SAMD12: variants seen among roughly 807,000 people sequenced by gnomAD.
The protein encoded by SAMD12 is sterile alpha motif domain containing 12.
In SAMD12, 9 loss-of-function variants were observed where a neutral mutation model predicts 15.0. That is an observed-to-expected ratio of 0.60 (90% CI 0.36 to 1.05). The LOEUF (loss-of-function observed/expected upper bound fraction) is 1.05, where lower values mean the gene tolerates loss of function less well. SAMD12 is among the 50% of genes least tolerant of loss of function. The probability of loss-of-function intolerance (pLI) is 0.01; values close to 1 mark genes in which losing one functional copy is unlikely to be tolerated. For synonymous variants in SAMD12, 86 were observed against 90.1 expected, an observed-to-expected ratio of 0.96 and a Z score of 0.25; for missense variants, 230 against 234.2, an observed-to-expected ratio of 0.98 and a Z score of 0.12.
intron 4 of SAMD12, among the ~76,000 whole-genome samples, chr8:118,231,307 A>C (rs919256044): frequency 6.6e-6 from 1 of 152,118 alleles, no homozygotes; most frequent in African/African-American, 2.4e-5. Flanking sequence ...GGAGTGATGC[A>C]CTTCCTAGGA....
intron 4 of SAMD12, among the ~76,000 whole-genome samples, chr8:118,312,329 A>G (rs1161586464): frequency 1.3e-5 from 2 of 152,180 alleles, no homozygotes; most frequent in Non-Finnish European, 2.9e-5. Context: ...TGAATGCTTC[A>G]GAAGTTCATA....
intron 2 of SAMD12, among the ~76,000 whole-genome samples, chr8:118,519,818 C>A (rs1281584571): frequency 6.6e-6 from 1 of 152,076 alleles, no homozygotes; most frequent in Admixed American, 6.5e-5. Context: ...TTACTGGTCA[C>A]AACTAAATAA....
intron 3 of SAMD12, among the ~76,000 whole-genome samples, chr8:118,392,121 C>A (rs143082730): frequency 6.6e-6 from 1 of 152,258 alleles, no homozygotes; most frequent in African/African-American, 2.4e-5. Flanking sequence ...CTACTCACAG[C>A]GGTAAGCACA....
At chr8:118,535,182 C>T (rs535219759) in intron 2 of SAMD12, among the ~76,000 whole-genome samples, 16 of 152,126 alleles carry the variant, frequency 1.1e-4, no homozygotes, top group African/African-American at 2.2e-4. Flanking sequence ...GACCCTCAGC[C>T]GCAGGTTTGT....
intron 4 of SAMD12, chr8:118,239,776 G>A (rs567731628): frequency 1.3e-5 from 2 of 152,234 alleles, no homozygotes; most frequent in Non-Finnish European, 2.9e-5. Flanking sequence ...CAACATAAAG[G>A]GAGACAGAGA....
intron 3 of SAMD12, among the ~76,000 whole-genome samples, chr8:118,411,787 G>A (rs180984328): frequency 2.0e-5 from 3 of 152,076 alleles, no homozygotes; most frequent in East Asian, 1.9e-4. Context: ...GAAATTCTAC[G>A]GGGAGGGCTA....
chr8:118,468,095 C>A lies in SAMD12; in HGVS notation c.193-28134G>T, dbSNP rs865881184. Among the ~76,000 whole-genome samples, 7 of 152,114 alleles carry A rather than the reference C, an allele frequency of 4.6e-5. No homozygotes were observed. The South Asian group carries it at 1.0e-3, about 23-fold the overall frequency. On this transcript the variant is annotated intron_variant, in intron 2 of 3. Coordinates refer to ENST00000314727, the MANE Select transcript of SAMD12 (RefSeq NM_207506.3). ...GTAACAAGATAGTCTGTCAACAGAACAAATGTGGAAATCAGTGAACTGTAA... is the reference window on the plus strand; with the variant it reads ...GTAACAAGATAGTCTGTCAACAGAAAAAATGTGGAAATCAGTGAACTGTAA...
intron 4 of SAMD12, among the ~76,000 whole-genome samples, chr8:118,318,841 G>C (rs939772637): frequency 6.6e-6 from 1 of 152,152 alleles, no homozygotes; most frequent in African/African-American, 2.4e-5. Context: ...TTAGGAGCTT[G>C]AGGGACAAAG....
chr8:118,337,226 A>G (rs865800733), intron 4 of SAMD12, among the ~76,000 whole-genome samples: 15 of 152,282 alleles, frequency 9.9e-5, no homozygotes, highest in South Asian at 6.2e-4. Flanking sequence ...GCTCCAGATT[A>G]CGGGACAAGA....
At chr8:118,425,804 A>G (rs558450696) in intron 3 of SAMD12, among the ~76,000 whole-genome samples, 1 of 152,280 alleles carries the variant, frequency 6.6e-6, no homozygotes, top group Non-Finnish European at 1.5e-5. Flanking sequence ...TGCTCCTCGA[A>G]TTTGGTTGGA....
At chr8:118,247,465 T>G (rs1420932067) in intron 4 of SAMD12, among the ~76,000 whole-genome samples, 1 of 152,154 alleles carries the variant, frequency 6.6e-6, no homozygotes, top group Non-Finnish European at 1.5e-5. Flanking sequence ...GACAGATATG[T>G]TAATTAGTCT....
At chr8:118,207,470 C>G (rs758555775) in intron 4 of SAMD12, among the ~76,000 whole-genome samples, 2 of 152,136 alleles carry the variant, frequency 1.3e-5, no homozygotes, top group Non-Finnish European at 2.9e-5. Context: ...GAGGACAACT[C>G]TGTCCACTGG....
chr8:118,602,425 A>G (rs1040101350), intron 1 of SAMD12, among the ~76,000 whole-genome samples: 3 of 152,222 alleles, frequency 2.0e-5, no homozygotes, highest in Non-Finnish European at 2.9e-5. Context: ...TTTTAAAAAA[A>G]CTACAATTAT....
At chr8:118,605,393 C>T (rs1384792400) in intron 1 of SAMD12, among the ~76,000 whole-genome samples, 2 of 152,222 alleles carry the variant, frequency 1.3e-5, no homozygotes, top group Non-Finnish European at 2.9e-5. Flanking sequence ...GCTAGAATAG[C>T]TTATGTTACT....
chr8:118,174,783 C>T, the SAMD12 span, among the ~76,000 whole-genome samples: 3 of 152,102 alleles, frequency 2.0e-5, no homozygotes, highest in African/African-American at 7.2e-5. Flanking sequence ...ATTTTCTCAT[C>T]ACCCAAATCC....
chr8:118,528,944 A>G (rs1825608111), intron 2 of SAMD12, among the ~76,000 whole-genome samples: 1 of 152,188 alleles, frequency 6.6e-6, no homozygotes, highest in Non-Finnish European at 1.5e-5. Context: ...CCCCCGCCGT[A>G]AGGCAGAAAG....
chr8:118,464,296 G>A (rs893989293), intron 2 of SAMD12, among the ~76,000 whole-genome samples: 3 of 152,112 alleles, frequency 2.0e-5, no homozygotes, highest in Admixed American at 6.5e-5. Flanking sequence ...TGAGTCATTC[G>A]CTTTCAAGAA....
intron 2 of SAMD12, among the ~76,000 whole-genome samples, chr8:118,506,038 C>G (rs1192195402): frequency 1.3e-5 from 2 of 152,154 alleles, no homozygotes; most frequent in Non-Finnish European, 2.9e-5. Flanking sequence ...TTGCTCTAGT[C>G]TCTAACAGAA....
intron 2 of SAMD12, among the ~76,000 whole-genome samples, chr8:118,469,967 C>T (rs78128140): frequency 0.032 from 4,873 of 152,132 alleles, 260 homozygotes; most frequent in African/African-American, 0.11. Flanking sequence ...TAAATTATGA[C>T]ATGGATACCA....
Sources: gnomAD v4.1 joint callset for allele counts (sites outside exome capture counted in the v4.1 genomes callset) on GRCh38, gnomAD v4.1.1 for gene constraint, MANE v1.5 for transcripts, NCBI Gene and HGNC (gene_info 2026-07-23, HGNC 2026-07-21) for gene names.